APTX: variants seen among roughly 807,000 people sequenced by gnomAD.
APTX encodes forkhead-associated domain histidine triad-like protein.
In APTX, 33 loss-of-function variants were observed where a neutral mutation model predicts 42.3. That is an observed-to-expected ratio of 0.78 (90% CI 0.59 to 1.04). The LOEUF is 1.04. Ranked by LOEUF, APTX falls within the 50% of genes least tolerant of loss-of-function variation. The pLI is 0.00. For synonymous variants in APTX, 130 were observed against 146.7 expected, an observed-to-expected ratio of 0.89 and a Z score of 0.82; for missense variants, 421 against 415.1, an observed-to-expected ratio of 1.01 and a Z score of -0.12.
intron 6 of APTX, among the ~76,000 whole-genome samples, chr9:32,983,594 C>T (rs1008759782): frequency 2.0e-5 from 3 of 151,976 alleles, no homozygotes; most frequent in African/African-American, 7.3e-5. Flanking sequence ...TGGCCAGTAA[C>T]CTAAGTCATA....
upstream of APTX, among the ~76,000 whole-genome samples, chr9:33,004,630 CTT>C (rs3065216): frequency 7.0e-3 from 880 of 125,584 alleles, 3 homozygotes; most frequent in African/African-American, 0.015. Flanking sequence ...CTTGCCAACC[CTT>C]TTTTTTTTTT....
chr9:33,016,932 AT>A lies in APTX; in HGVS notation c.-5+8090del, dbSNP rs1178263891. Among the ~76,000 whole-genome samples, 6 of 152,318 alleles carry A rather than the reference AT, an allele frequency of 3.9e-5. No individual in the cohort carries two copies. The East Asian group carries it at 9.6e-4, about 24-fold the overall frequency. On this transcript the variant is annotated intron_variant, in intron 1 of 6. Coordinates refer to the APTX transcript ENST00000436040. The stretch of plus-strand genomic sequence containing the variant: ...CTGGCAAAATGCATATTCATTCATA[AT>A]TTATTGAGTACCAACTCTGTACCAG...
chr9:33,008,380 T>C (rs111567363), intron 1 of APTX, among the ~76,000 whole-genome samples: 76 of 152,098 alleles, frequency 5.0e-4, no homozygotes, highest in African/African-American at 1.8e-3. Flanking sequence ...GGTTTCATGA[T>C]AAAATAGCTA....
At chr9:32,977,377 G>A (rs975488866) in intron 6 of APTX, among the ~76,000 whole-genome samples, 3 of 152,082 alleles carry the variant, frequency 2.0e-5, no homozygotes, top group African/African-American at 2.4e-5. Context: ...CCAGCTACTC[G>A]GGAGGCTGAG....
intron 1 of APTX, among the ~76,000 whole-genome samples, chr9:33,008,551 ATTTTT>A (rs34273971): frequency 7.4e-6 from 1 of 135,084 alleles, no homozygotes; most frequent in Non-Finnish European, 1.6e-5. Flanking sequence ...TCTGATTAAG[ATTTTT>A]TTTTTTTTTT....
At position 33,018,636 on chromosome 9, in the gene APTX, T is replaced by C. The variant is rs533806339; in HGVS notation, c.-5+6387A>G. Among the ~76,000 whole-genome samples, 15 of 149,936 alleles carry C rather than the reference T, an allele frequency of 1.0e-4. 1 individual carries two copies. Among genetic ancestry groups the C allele is most frequent in the Admixed American group, 1.0e-3 (15 of 15,002 alleles). On this transcript the variant is annotated intron_variant, in intron 1 of 6. Coordinates refer to the APTX transcript ENST00000436040. ...TGGCTTATGCAGTAATCCCAGCACT[T>C]TGGCAGGCCGAGGCAGGTGGATCAC...
chr9:32,984,959 C>G, intron 5 of APTX, 102 bp from the exon 6 acceptor site: 1 of 1,145,186 alleles, frequency 8.7e-7, no homozygotes, highest in South Asian at 1.3e-5. Flanking sequence ...CAGTCTTGTG[C>G]AAATGGTTTT....
chr9:33,021,952 TGTTA>T (rs1179868159), intron 1 of APTX, among the ~76,000 whole-genome samples: 1 of 147,164 alleles, frequency 6.8e-6, no homozygotes, highest in Non-Finnish European at 1.5e-5. Context: ...ACATCAAGGC[TGTTA>T]ATTTAAAAAA....
At chr9:32,996,151 G>C (rs1376977676) in intron 1 of APTX, among the ~76,000 whole-genome samples, 1 of 152,130 alleles carries the variant, frequency 6.6e-6, no homozygotes, top group Non-Finnish European at 1.5e-5. Flanking sequence ...TATGCACTAA[G>C]AAACCAAAAC....
intron 1 of APTX, among the ~76,000 whole-genome samples, chr9:32,995,607 G>C (rs775959679): frequency 6.6e-6 from 1 of 152,168 alleles, no homozygotes; most frequent in Non-Finnish European, 1.5e-5. Flanking sequence ...CCAACAAAGG[G>C]CTGGGTGTTA....
At chr9:33,011,082 G>A (rs929114471) in intron 1 of APTX, among the ~76,000 whole-genome samples, 1 of 151,628 alleles carries the variant, frequency 6.6e-6, no homozygotes, top group African/African-American at 2.4e-5. Flanking sequence ...GGCAGAGGTT[G>A]TAGTGAGCTG....
chr9:32,992,818 T>C (rs536042345), intron 1 of APTX, among the ~76,000 whole-genome samples: 2 of 152,284 alleles, frequency 1.3e-5, no homozygotes, highest in South Asian at 4.1e-4. Context: ...AAAAAGGCAG[T>C]TCAGCAAGTC....
At chr9:32,994,056 G>A (rs541163435) in intron 1 of APTX, among the ~76,000 whole-genome samples, 9 of 152,184 alleles carry the variant, frequency 5.9e-5, no homozygotes, top group South Asian at 4.2e-4. Flanking sequence ...GAGGGGATCC[G>A]TCAGAAAGAA....
Position 32,986,002 on chromosome 9 carries a change from A to G in APTX, c.512T>C (p.Leu171Ser). ...TTTGGGGTCCTGCATAGAAATCTTC[A>G]AGCCTTGACTCCAGTGGCCCAGGGA... Reference protein sequence around the residue: ...KESLGHWSQGLKISMQDPKMQ... With the variant: ...KESLGHWSQGSKISMQDPKMQ... The change falls in exon 5 of 8, where the codon TTG becomes TCG. Residue 171 changes from leucine to serine, a missense_variant. Physicochemically the swap from Leu to Ser is moderately radical, Grantham distance 145. Transcript: ENST00000379817. The G allele has an allele frequency of 6.2e-7, 1 of 1,605,362 alleles. No individual in the cohort carries two copies. The highest frequency in any genetic ancestry group is 8.5e-7 in the Non-Finnish European group (1 of 1,177,686).
At chr9:33,003,078 G>C (rs926618401), upstream of APTX, among the ~76,000 whole-genome samples, 1 of 152,224 alleles carries the variant, frequency 6.6e-6, no homozygotes, top group Non-Finnish European at 1.5e-5. Context: ...CTGGTGACCT[G>C]ACCAGTTTTG....
chr9:32,994,698 C>G lies in APTX; in HGVS notation c.-4-4803G>C, dbSNP rs573230868. Among the ~76,000 whole-genome samples, 9 of 152,274 alleles carry G rather than the reference C, an allele frequency of 5.9e-5. No individual in the cohort carries two copies. In the South Asian group the frequency reaches 1.7e-3, roughly 28 times the overall value. On this transcript the variant is annotated intron_variant, in intron 1 of 7. Transcript: ENST00000379817. ...TTTTTCGTTATTATTATATCTGTTACAATGATCTGTGATCAGTGATCTTTG... is the reference window on the plus strand; with the variant it reads ...TTTTTCGTTATTATTATATCTGTTAGAATGATCTGTGATCAGTGATCTTTG...
chr9:32,979,308 T>C (rs1474368836), intron 6 of APTX, among the ~76,000 whole-genome samples: 2 of 152,208 alleles, frequency 1.3e-5, no homozygotes, highest in Non-Finnish European at 2.9e-5. Flanking sequence ...TTTCTGCTCC[T>C]GTGTTAGTTC....
chr9:33,002,167 T>A (rs986262417), upstream of APTX, among the ~76,000 whole-genome samples: 2 of 152,002 alleles, frequency 1.3e-5, no homozygotes, highest in African/African-American at 4.8e-5. Flanking sequence ...CGTGTACTGA[T>A]TTTTTACAGC....
chr9:33,018,810 C>T (rs185341219), intron 1 of APTX, among the ~76,000 whole-genome samples: 83 of 152,178 alleles, frequency 5.5e-4, no homozygotes, highest in African/African-American at 1.7e-3. Context: ...ACCTGGGAGG[C>T]GGAGGTTGCA....
Sources: allele counts gnomAD v4.1 joint callset (sites outside exome capture counted in the v4.1 genomes callset), GRCh38; gene constraint gnomAD v4.1.1; transcripts MANE v1.5; gene names NCBI Gene and HGNC (gene_info 2026-07-23, HGNC 2026-07-21).